RABEP2: variants seen among roughly 807,000 people sequenced by gnomAD.
The protein encoded by RABEP2 is rab GTPase-binding effector protein 2.
A neutral mutation model predicts 74.1 loss-of-function variants in RABEP2; 57 were observed. The ratio of observed to expected loss-of-function variants is 0.77; its 90% confidence interval spans 0.62 to 0.96. RABEP2 has a LOEUF of 0.96. Among genes scored for constraint, RABEP2 ranks in the 40% least tolerant of loss-of-function variants. The pLI, the probability that RABEP2 is intolerant of heterozygous loss-of-function variation, is 0.00. For missense variants in RABEP2, 692 were observed against 756.3 expected (o/e 0.91, Z 1.00); for synonymous variants, 351 against 344.0 (o/e 1.02, Z -0.23).
At chr16:28,920,846 C>A in intron 2 of RABEP2, among the ~76,000 whole-genome samples, 1 of 151,734 alleles carries the variant, frequency 6.6e-6, no homozygotes, top group Non-Finnish European at 1.5e-5. Flanking sequence ...CCCCTCTCCC[C>A]CCACCCCACC....
chr16:28,904,547 T>C lies in RABEP2; in HGVS notation c.*396A>G. 7.0e-7 allele frequency: 1 copy of C among 1,430,424 alleles called. No homozygotes were observed. Among genetic ancestry groups the C allele is most frequent in the Non-Finnish European group, 9.3e-7 (1 of 1,080,182 alleles). The allele number at this position is 1,430,424 out of a possible 1,614,324, so 88.6% of individuals were successfully genotyped here. ...AGTGTCATGCAGACCAGAAGGCAGC[T>C]GCCTGTCCCAGGGCCGGGGCCCACC... is the stretch of plus-strand genomic sequence containing the variant. On this transcript the variant is annotated 3_prime_UTR_variant, in exon 13 of 13. Coordinates refer to ENST00000358201, the MANE Select transcript of RABEP2 (RefSeq NM_024816.3).
Position 28,910,914 on chromosome 16 carries a change from C to T in RABEP2, c.1063G>A (p.Ala355Thr), listed in dbSNP as rs778558647. 1 of 1,612,788 alleles carries T rather than the reference C, an allele frequency of 6.2e-7. No homozygotes were observed. Among genetic ancestry groups the T allele is most frequent in the Non-Finnish European group, 8.5e-7 (1 of 1,179,590 alleles). Residue 355 changes from alanine (A) to threonine (T), a missense_variant, in exon 7 of 13, where the codon GCC becomes ACC. Physicochemically the swap from Ala to Thr is moderately conservative, Grantham distance 58. Transcript: ENST00000358201. Reference protein sequence around the residue: ...LRTLQGTVSQAQERVQLQMAE... With the variant: ...LRTLQGTVSQTQERVQLQMAE... ...ATCTGCAGCTGCACCCGCTCCTGGG[C>T]CTGGCTCACGGTCCCTTGCAGGGTC... is the stretch of plus-strand genomic sequence containing the variant.
intron 5 of RABEP2, 128 bp downstream of exon 5, chr16:28,914,108 G>T: frequency 1.3e-6 from 1 of 759,018 alleles, no homozygotes; most frequent in Non-Finnish European, 2.1e-6. Flanking sequence ...GCCTTCACCA[G>T]GAGGGGGGCC....
intron 5 of RABEP2, among the ~76,000 whole-genome samples, chr16:28,912,415 T>C (rs1488490671): frequency 4.7e-5 from 7 of 147,522 alleles, no homozygotes; most frequent in East Asian, 2.0e-4. Context: ...TCTTTTTTTT[T>C]TTTTTTTTTT....
At chr16:28,909,140 G>C (rs1287375297) in intron 7 of RABEP2, among the ~76,000 whole-genome samples, 2 of 151,956 alleles carry the variant, frequency 1.3e-5, no homozygotes, top group African/African-American at 4.8e-5. Context: ...GCAATAGAGT[G>C]ATCTCGGCTC....
rs777501659 is a variant in RABEP2, at chr16:28,906,066, GC to G, written c.1375del (p.Ala459ProfsTer9). On this transcript the variant is annotated frameshift_variant, in exon 9 of 13. Coordinates refer to ENST00000358201, the MANE Select transcript of RABEP2 (RefSeq NM_024816.3). LOFTEE classifies it high-confidence loss of function. ...LREALEEETV[A>X]RASLEGQLRV... Reference sequence around the variant, plus strand: ...CAGCTGCCCCTCCAGGCTGGCCCTGGCCACTGTCTCCTCCTCCAGAGCCTCC... The same window carrying G: ...CAGCTGCCCCTCCAGGCTGGCCCTGGCACTGTCTCCTCCTCCAGAGCCTCC... 166 of 1,599,896 alleles carry G rather than the reference GC, an allele frequency of 1.0e-4. 1 individual carries two copies. Among genetic ancestry groups the G allele is most frequent in the Admixed American group, 1.7e-5 (1 of 57,970 alleles).
Position 28,910,907 on chromosome 16 carries a change from T to A in RABEP2, c.1070A>T (p.Glu357Val). The A allele has an allele frequency of 4.3e-6, 7 of 1,612,440 alleles. No individual in the cohort carries two copies. The highest frequency in any genetic ancestry group is 5.9e-6 in the Non-Finnish European group (7 of 1,179,492). The change falls in exon 7 of 13, where the codon GAG becomes GTG. Residue 357 changes from glutamate (E) to valine (V), a missense_variant. Physicochemically the swap from Glu to Val is moderately radical, Grantham distance 121 (BLOSUM62 -2). Coordinates refer to ENST00000358201, the MANE Select transcript of RABEP2 (RefSeq NM_024816.3). ...ACTCACCATCTGCAGCTGCACCCGCTCCTGGGCCTGGCTCACGGTCCCTTG... is the reference window on the plus strand; with the variant it reads ...ACTCACCATCTGCAGCTGCACCCGCACCTGGGCCTGGCTCACGGTCCCTTG... The part of the protein sequence containing the change: ...TLQGTVSQAQ[E>V]RVQLQMAELV...
intron 7 of RABEP2, among the ~76,000 whole-genome samples, chr16:28,908,999 CTATATATATA>C (rs113226418): frequency 3.4e-4 from 51 of 148,220 alleles, no homozygotes; most frequent in Non-Finnish European, 3.3e-4. Context: ...TTTACTTGGT[CTATATATATA>C]TATATATATA....
intron 3 of RABEP2, chr16:28,918,045 T>C (rs1396082483): frequency 2.0e-5 from 3 of 151,016 alleles, no homozygotes; most frequent in South Asian, 4.2e-4. Flanking sequence ...ATAATAAATA[T>C]GTGCTTCCTA....
At chr16:28,908,529 C>T (rs1487097429) in intron 8 of RABEP2, 80 bp downstream of exon 8, 15 of 1,453,434 alleles carry the variant, frequency 1.0e-5, no homozygotes, top group South Asian at 6.9e-5. Context: ...CCTGGCTGGT[C>T]GTGACCAACG....
Position 28,914,596 on chromosome 16 carries a change from G to A in RABEP2, c.544-10C>T. ...CATGCCGGGGACGTCTCTAGGGAAG[G>A]GGGCAGGGAAGAGGCTGGGGGGCCA... is the stretch of plus-strand genomic sequence containing the variant. On this transcript the variant is annotated splice_polypyrimidine_tract_variant and intron_variant, in intron 4 of 12. Transcript: ENST00000358201. The A allele has an allele frequency of 6.2e-7, 1 of 1,609,552 alleles. No homozygotes were observed. Among genetic ancestry groups the A allele is most frequent in the Admixed American group, 1.7e-5 (1 of 59,408 alleles).
chr16:28,920,623 C>T (rs1014057126), intron 2 of RABEP2, among the ~76,000 whole-genome samples: 3 of 151,880 alleles, frequency 2.0e-5, no homozygotes, highest in South Asian at 2.1e-4. Context: ...TGACCTCAAG[C>T]GATCCGCCCG....
At chr16:28,905,988 CGGGGCT>C in intron 9 of RABEP2, 25 bp downstream of exon 9, 1 of 1,610,130 alleles carries the variant, frequency 6.2e-7, no homozygotes, top group Non-Finnish European at 8.5e-7. Flanking sequence ...GCCCTGGGCC[CGGGGCT>C]GGGGGCTTGT....
At chr16:28,912,672 CA>C (rs1484665281) in intron 5 of RABEP2, among the ~76,000 whole-genome samples, 1 of 152,112 alleles carries the variant, frequency 6.6e-6, no homozygotes, top group East Asian at 1.9e-4. Flanking sequence ...TTCAGTGTCC[CA>C]AAGTGCTGAG....
Position 28,908,678 on chromosome 16 carries a change from C to A in RABEP2, c.1176G>T (p.Leu392=). The A allele has an allele frequency of 6.2e-7, 1 of 1,614,226 alleles. No homozygotes were observed. The highest frequency in any genetic ancestry group is 8.5e-7 in the Non-Finnish European group (1 of 1,180,042). Residue 392 remains leucine, a synonymous_variant, in exon 8 of 13, where the codon CTG becomes CTT. Transcript: ENST00000358201. ...EENQGLRAEQ[L]PSSAPQGSQQ... is the part of the protein sequence containing the mutation. ...GCGAGCCCTGGGGGGCTGAGGATGG[C>A]AGCTGCTCGGCCCGGAGCCCTTGGT...
intron 7 of RABEP2, 32 bp from the exon 8 acceptor site, chr16:28,908,796 A>C: frequency 6.2e-7 from 1 of 1,607,832 alleles, no homozygotes; most frequent in Non-Finnish European, 8.5e-7. Context: ...AAGGCAATGA[A>C]GAGGACAGGG....
intron 3 of RABEP2, chr16:28,919,549 C>T (rs1040778860): frequency 5.0e-6 from 2 of 396,618 alleles, no homozygotes; most frequent in African/African-American, 2.0e-5. Flanking sequence ...AAGTTCCCTT[C>T]CCTCTACATA....
At chr16:28,908,820 T>C in intron 7 of RABEP2, 56 bp from the exon 8 acceptor site, 1 of 1,554,440 alleles carries the variant, frequency 6.4e-7, no homozygotes, top group East Asian at 2.3e-5. Context: ...CTCCAGTCCC[T>C]AGGAGGCCAA....
chr16:28,924,800 A>G, intron 1 of RABEP2, 185 bp from the exon 2 acceptor site: 1 of 640,414 alleles, frequency 1.6e-6, no homozygotes, highest in Non-Finnish European at 2.7e-6. Context: ...TGCTGCCTAC[A>G]CTCCATCTCT....
Sources: gnomAD v4.1 joint callset for allele counts (sites outside exome capture counted in the v4.1 genomes callset) on GRCh38, gnomAD v4.1.1 for gene constraint, MANE v1.5 for transcripts, NCBI Gene and HGNC (gene_info 2026-07-23, HGNC 2026-07-21) for gene names.